The following NAV1 variants were observed in gnomAD, a reference collection of about 807,000 sequenced individuals.
NAV1 encodes the protein pore membrane and/or filament interacting like protein 3.
A neutral mutation model predicts 175.2 loss-of-function variants in NAV1; 18 were observed. The ratio of observed to expected loss-of-function variants is 0.10; its 90% CI spans 0.07 to 0.15. NAV1 has a LOEUF of 0.15. Ranked by LOEUF, NAV1 falls within the 10% of genes least tolerant of loss-of-function variation. The pLI is 1.00. For synonymous variants in NAV1, 897 were observed against 978.7 expected (o/e 0.92, Z 1.56); for missense variants, 1,731 against 2,436.6 (o/e 0.71, Z 6.10).
rs1406042066 is a variant in NAV1 at position 201,740,966 on chromosome 1, A to G, written c.1226+22211A>G. 6.6e-6 allele frequency among the ~76,000 whole-genome samples: 1 copy of G among 151,968 alleles called. No individual in the cohort carries two copies. The highest frequency in any genetic ancestry group is 1.5e-5 in the Non-Finnish European group (1 of 67,980). On this transcript the variant is annotated intron_variant, in intron 3 of 29. Transcript: ENST00000367296. This position sits in a 1 kb window ranked among gnomAD's most constrained non-coding sequence, Gnocchi z 4.7. ...CCATCTCACTATTCTCACCCCATAT[A>G]CACTCTCCTTCCCCTCAGCCTCCCG...
chr1:201,756,334 A>G (rs1421529905), intron 3 of NAV1, among the ~76,000 whole-genome samples: 1 of 152,146 alleles, frequency 6.6e-6, no homozygotes, highest in African/African-American at 2.4e-5. Context: ...GTAGCGCTAT[A>G]ATCATATTTT....
rs1424305973 is a variant in NAV1 at position 201,786,497 on chromosome 1, A to T, written c.2915A>T (p.Glu972Val). ...TCCCATACCATTGGTGGGCTGCCTG[A>T]ATCCGATGACCAGTCAGAGCTGCCT... The change falls in exon 9 of 30, where the codon GAA becomes GTA. Residue 972 changes from glutamate to valine, a missense_variant. Around this residue, in one of 13 missense-constraint regions of NAV1, gnomAD observed 634 missense variants for 766.8 expected, o/e 0.83. Coordinates refer to ENST00000367296, the Ensembl canonical transcript of NAV1. The T allele has an allele frequency of 1.2e-6, 2 of 1,614,022 alleles. No individual in the cohort carries two copies. The highest frequency in any genetic ancestry group is 3.3e-5 in the Admixed American group (2 of 60,004).
At position 201,812,063 on chromosome 1, in the gene NAV1, G is replaced by A; in HGVS notation, c.5024+89G>A. The A allele has an allele frequency of 8.1e-7, 1 of 1,241,976 alleles. No individual in the cohort carries two copies. 76.9% of individuals were successfully genotyped at this position (1,241,976 alleles called of 1,614,324 possible). A position where few individuals can be genotyped will look rare whatever the true frequency, so the allele number is the denominator to read the frequency against. ...GGCCAGGAGGCAGTAGATAGGAGAA[G>A]GAAAGAGAAGTATCCAGAGCTTTTT... On this transcript the variant is annotated intron_variant, in intron 26 of 29. Transcript: ENST00000367296. This position sits in a 1 kb window ranked among gnomAD's most constrained non-coding sequence, Gnocchi z 4.6.
intron 16 of NAV1, 149 bp from the exon 21 acceptor site, chr1:201,804,340 C>A: frequency 1.3e-6 from 1 of 744,876 alleles, no homozygotes; most frequent in Non-Finnish European, 2.2e-6. Context: ...GTGGACACGT[C>A]CTGCTCCTCT....
rs558433640 is a variant in NAV1 at position 201,729,501 on chromosome 1, C to T, written c.1226+10746C>T. Among the ~76,000 whole-genome samples the T allele has an allele frequency of 3.3e-5, 5 of 151,962 alleles. No individual in the cohort carries two copies. In the East Asian group the frequency reaches 5.8e-4, roughly 18 times the overall value. ...ACTAAAAATACAAAAATTAGCTGGG[C>T]GTGGTGGCAGGCTCCTGTAGTCCCA... On this transcript the variant is annotated intron_variant, in intron 3 of 29. Coordinates refer to ENST00000367296, the Ensembl canonical transcript of NAV1.
In NAV1 at chr1:201,547,372, C is replaced by A. The variant is rs143888145; in HGVS notation, c.-144+8030C>A. Among the ~76,000 whole-genome samples, 1,145 of 152,216 alleles carry A rather than the reference C, an allele frequency of 7.5e-3. 17 individuals are homozygous for A. The highest frequency in any genetic ancestry group is 0.025 in the African/African-American group (1,056 of 41,518). Reference sequence around the variant, plus strand: ...TTTAACAGAATTGTTTAATATATGGCCAGAATCAGATTTTCCAGTAGTTTC... The same window carrying A: ...TTTAACAGAATTGTTTAATATATGGACAGAATCAGATTTTCCAGTAGTTTC... On this transcript the variant is annotated intron_variant, in intron 1 of 33. Transcript: ENST00000685211.
intron 1 of NAV1, among the ~76,000 whole-genome samples, chr1:201,683,524 A>C (rs184412098): frequency 1.4e-5 from 2 of 141,804 alleles, no homozygotes; most frequent in Admixed American, 7.5e-5. Context: ...TCCTATGAGA[A>C]TCTAATGCTG....
intron 1 of NAV1, among the ~76,000 whole-genome samples, chr1:201,674,430 A>T (rs1294212873): frequency 6.6e-6 from 1 of 152,084 alleles, no homozygotes. Context: ...GGCTTCTAAG[A>T]AATAGTCATT....
At chr1:201,696,773 C>G (rs1232740997) in intron 1 of NAV1, among the ~76,000 whole-genome samples, 1 of 152,192 alleles carries the variant, frequency 6.6e-6, no homozygotes, top group African/African-American at 2.4e-5. Context: ...GATCCCTACC[C>G]TACAAGCCGT....
At chr1:201,714,961 C>T (rs1672075334) in intron 2 of NAV1, among the ~76,000 whole-genome samples, 1 of 152,142 alleles carries the variant, frequency 6.6e-6, no homozygotes, top group African/African-American at 2.4e-5. Flanking sequence ...TCAATCAAGC[C>T]TTTTGCATAA....
At chr1:201,577,566 T>C (rs935174158) in intron 1 of NAV1, among the ~76,000 whole-genome samples, 1 of 152,046 alleles carries the variant, frequency 6.6e-6, no homozygotes, top group Non-Finnish European at 1.5e-5. Context: ...AAATTACTTT[T>C]GCACCTTTGT....
intron 3 of NAV1, among the ~76,000 whole-genome samples, chr1:201,749,906 T>G (rs1673999620): frequency 6.6e-6 from 1 of 151,834 alleles, no homozygotes; most frequent in Non-Finnish European, 1.5e-5. Flanking sequence ...CTCTCCAAAA[T>G]GAAAAGAAAA....
chr1:201,575,133 T>C (rs1571828523), intron 1 of NAV1, among the ~76,000 whole-genome samples: 1 of 152,360 alleles, frequency 6.6e-6, no homozygotes, highest in South Asian at 2.1e-4. Context: ...TTAACTTTTC[T>C]TTGTTCTGAT....
chr1:201,671,217 G>A (rs530822968), intron 1 of NAV1, among the ~76,000 whole-genome samples: 1 of 152,074 alleles, frequency 6.6e-6, no homozygotes, highest in Non-Finnish European at 1.5e-5. Context: ...CTTCCGCGAG[G>A]GTATTATCTT....
At chr1:201,612,864 T>C (rs1667894922) in intron 2 of NAV1, among the ~76,000 whole-genome samples, 1 of 152,052 alleles carries the variant, frequency 6.6e-6, no homozygotes, top group Admixed American at 6.5e-5. Context: ...TGTGTGTGTG[T>C]CACTATGTGT....
Position 201,810,149 on chromosome 1 carries a change from A to G in NAV1, c.4561+44A>G. The G allele has an allele frequency of 6.2e-7, 1 of 1,604,998 alleles. No homozygotes were observed. Among genetic ancestry groups the G allele is most frequent in the Non-Finnish European group, 8.5e-7 (1 of 1,173,948 alleles). On this transcript the variant is annotated intron_variant, in intron 23 of 29. Coordinates refer to ENST00000367296, the Ensembl canonical transcript of NAV1. This position sits in a 1 kb window ranked among gnomAD's most constrained non-coding sequence, Gnocchi z 6.0. ...GGGTGAGGTGGTGTGGCATGAAGGC[A>G]GGGACAGGATCATCAAATAATCCAT...
At chr1:201,541,945 C>T (rs1258366967) in intron 1 of NAV1, among the ~76,000 whole-genome samples, 4 of 152,164 alleles carry the variant, frequency 2.6e-5, no homozygotes, top group African/African-American at 9.7e-5. Flanking sequence ...TTCCTATTTC[C>T]AATCAGTGTC....
At position 201,595,742 on chromosome 1, in the gene NAV1, C is replaced by T. The variant is rs541414530; in HGVS notation, c.-33+7093C>T. 3.2e-4 allele frequency among the ~76,000 whole-genome samples: 48 copies of T among 152,340 alleles called. No homozygotes were observed. In the South Asian group the frequency reaches 9.3e-3, roughly 30 times the overall value. On this transcript the variant is annotated intron_variant, in intron 2 of 33. Transcript: ENST00000685211. ...CAGCCAAGGGAAGGGAGAAGAAATT[C>T]CATCTCTCTGCCTCCTGGCCGAGTT...
At chr1:201,653,499 T>TG (rs895421062) in intron 1 of NAV1, among the ~76,000 whole-genome samples, 32 of 144,406 alleles carry the variant, frequency 2.2e-4, no homozygotes, top group African/African-American at 3.6e-4. Context: ...GTGAATTTTT[T>TG]GGGGGGGAGG....
Sources: allele counts gnomAD v4.1 joint callset (sites outside exome capture counted in the v4.1 genomes callset), GRCh38; gene constraint gnomAD v4.1.1; regional missense constraint gnomAD v4.1.1; non-coding constraint Gnocchi (gnomAD v3.1); transcripts MANE v1.5; gene names NCBI Gene and HGNC (gene_info 2026-07-23, HGNC 2026-07-21).